The following PPP1R12A variants were observed in gnomAD, a reference collection of about 807,000 sequenced individuals.
The protein encoded by PPP1R12A is protein phosphatase 1 regulatory subunit 12A.
Under a neutral mutation model 139.6 loss-of-function variants are expected in PPP1R12A, and 19 were observed. The observed-to-expected ratio is 0.14, with a 90% confidence interval of 0.09 to 0.20. The LOEUF (loss-of-function observed/expected upper bound fraction) is 0.20, where lower values mean the gene tolerates loss of function less well. Among genes scored for constraint, PPP1R12A ranks in the 10% least tolerant of loss-of-function variants. The pLI, the probability that PPP1R12A is intolerant of heterozygous loss-of-function variation, is 1.00. For synonymous variants in PPP1R12A, 427 were observed against 420.6 expected (o/e 1.02, Z -0.19); for missense variants, 925 against 1,211.5 (o/e 0.76, Z 3.51).
At chr12:79,862,218 A>ATC (rs1881419446) in intron 2 of PPP1R12A, among the ~76,000 whole-genome samples, 1 of 152,190 alleles carries the variant, frequency 6.6e-6, no homozygotes, top group Non-Finnish European at 1.5e-5. Flanking sequence ...ACAGACCTGC[A>ATC]TCTGAGGGGC....
At chr12:79,847,394 A>C (rs950744828) in intron 2 of PPP1R12A, among the ~76,000 whole-genome samples, 1 of 152,228 alleles carries the variant, frequency 6.6e-6, no homozygotes, top group Non-Finnish European at 1.5e-5. Flanking sequence ...TCCCAACATC[A>C]TGAAGATAAA....
chr12:79,814,327 A>C (rs2137086427), intron 9 of PPP1R12A, among the ~76,000 whole-genome samples: 1 of 151,024 alleles, frequency 6.6e-6, no homozygotes, highest in East Asian at 2.0e-4. Context: ...AATACAAAAA[A>C]TTAGCCAGGT....
intron 9 of PPP1R12A, 67 bp from the exon 10 acceptor site, chr12:79,810,077 A>G (rs1039440084): frequency 8.2e-7 from 1 of 1,218,518 alleles, no homozygotes; most frequent in Non-Finnish European, 1.1e-6. Flanking sequence ...CTTAAATTGG[A>G]AACAATAAGT....
chr12:79,810,015 GTTTAT>G lies in PPP1R12A; in HGVS notation c.1240-10_1240-6del. The G allele has an allele frequency of 6.3e-7, 1 of 1,594,574 alleles. No individual in the cohort carries two copies. The highest frequency in any genetic ancestry group is 1.7e-4 in the Middle Eastern group (1 of 5,968). ...TTTTGTAGCTGTGGTTGGAAACTGT[GTTTAT>G]TTTATTTTTTAGGAAAAGAAAAAAG... On this transcript the variant is annotated splice_region_variant and splice_polypyrimidine_tract_variant and intron_variant, in intron 9 of 24. Coordinates refer to ENST00000450142, the MANE Select transcript of PPP1R12A (RefSeq NM_002480.3).
At chr12:79,863,644 CAAAAAAAAAAAAAAAAAAA>C in intron 2 of PPP1R12A, among the ~76,000 whole-genome samples, 1 of 55,334 alleles carries the variant, frequency 1.8e-5, no homozygotes, top group African/African-American at 6.7e-5. Context: ...AAATTGAAAG[CAAAAAAAAAAAAAAAAAAA>C]AAAAAAAAGA....
At chr12:79,789,021 C>T (rs1376127354) in intron 20 of PPP1R12A, among the ~76,000 whole-genome samples, 1 of 152,080 alleles carries the variant, frequency 6.6e-6, no homozygotes. Flanking sequence ...ACTGCAGACT[C>T]GACTTCTCGG....
chr12:79,853,201 A>G (rs1298820660), intron 2 of PPP1R12A, among the ~76,000 whole-genome samples: 1 of 152,182 alleles, frequency 6.6e-6, no homozygotes, highest in Admixed American at 6.5e-5. Flanking sequence ...TTATTCTCAA[A>G]AAGTTTTCTG....
chr12:79,908,386 G>C (rs1370752821), intron 1 of PPP1R12A, among the ~76,000 whole-genome samples: 1 of 152,146 alleles, frequency 6.6e-6, no homozygotes, highest in Non-Finnish European at 1.5e-5. Context: ...GTTAATAATA[G>C]AAGACCCAAA....
chr12:79,908,147 T>C (rs1387734746), intron 1 of PPP1R12A, among the ~76,000 whole-genome samples: 6 of 152,218 alleles, frequency 3.9e-5, no homozygotes, highest in African/African-American at 1.4e-4. Flanking sequence ...CATATAAGGC[T>C]TTCTTTAAAC....
At chr12:79,930,753 CAA>C (rs1888193294) in intron 1 of PPP1R12A, among the ~76,000 whole-genome samples, 1 of 151,820 alleles carries the variant, frequency 6.6e-6, no homozygotes, top group African/African-American at 2.4e-5. Context: ...GCCTGGGCAA[CAA>C]GAGCAAAACT....
intron 1 of PPP1R12A, among the ~76,000 whole-genome samples, chr12:79,907,881 A>AAGCAAGAC (rs1337182894): frequency 6.6e-6 from 1 of 152,206 alleles, no homozygotes; most frequent in Non-Finnish European, 1.5e-5. Flanking sequence ...TTGGGAGACA[A>AAGCAAGAC]AGCAAGACCT....
chr12:79,790,422 TA>T, intron 20 of PPP1R12A, 44 bp downstream of exon 20: 1 of 1,211,986 alleles, frequency 8.3e-7, no homozygotes, highest in South Asian at 1.7e-5. Flanking sequence ...TTAACAAAGA[TA>T]AAAATAAGAA....
At chr12:79,780,996 A>G in intron 23 of PPP1R12A, among the ~76,000 whole-genome samples, 1 of 152,152 alleles carries the variant, frequency 6.6e-6, no homozygotes, top group East Asian at 1.9e-4. Flanking sequence ...TTTTATATCA[A>G]TAGCTCCTAA....
At chr12:79,873,801 A>G (rs1164256178) in intron 1 of PPP1R12A, among the ~76,000 whole-genome samples, 1 of 152,154 alleles carries the variant, frequency 6.6e-6, no homozygotes, top group Non-Finnish European at 1.5e-5. Flanking sequence ...ATGTTAAAGC[A>G]CCTCTTCCAA....
chr12:79,817,736 C>T (rs1309617714), intron 8 of PPP1R12A, among the ~76,000 whole-genome samples: 2 of 152,066 alleles, frequency 1.3e-5, no homozygotes, highest in Non-Finnish European at 2.9e-5. Flanking sequence ...AGATACACAA[C>T]AAAGCTTCTG....
intron 3 of PPP1R12A, among the ~76,000 whole-genome samples, chr12:79,843,516 T>G (rs1215884673): frequency 6.6e-6 from 1 of 151,040 alleles, no homozygotes; most frequent in African/African-American, 2.4e-5. Context: ...GAGGCAGAGG[T>G]TGCAGTGAAC....
Position 79,781,799 on chromosome 12 carries a change from T to C in PPP1R12A, c.2955+16A>G, listed in dbSNP as rs756367069. The C allele has an allele frequency of 7.0e-7, 1 of 1,437,516 alleles. No homozygotes were observed. Among genetic ancestry groups the C allele is most frequent in the Non-Finnish European group, 9.3e-7 (1 of 1,071,732 alleles). The allele number at this position is 1,437,516 out of a possible 1,614,324, so 89.0% of individuals were successfully genotyped here. On this transcript the variant is annotated intron_variant, in intron 23 of 24. Transcript: ENST00000450142. ...AAGAAAGAAAAAAATAATTATTTAA[T>C]AAGTGGGACACTTACCCTTTTTTCC...
At chr12:79,799,699 G>A (rs1872874235) in intron 14 of PPP1R12A, among the ~76,000 whole-genome samples, 1 of 152,092 alleles carries the variant, frequency 6.6e-6, no homozygotes, top group Non-Finnish European at 1.5e-5. Context: ...CTTTTCAATA[G>A]CAAGTAATCT....
chr12:79,862,962 A>G (rs1354745034), intron 2 of PPP1R12A, among the ~76,000 whole-genome samples: 1 of 152,176 alleles, frequency 6.6e-6, no homozygotes, highest in East Asian at 1.9e-4. Flanking sequence ...CAGGAAATAC[A>G]GAGAACACCA....
Sources: allele counts gnomAD v4.1 joint callset (sites outside exome capture counted in the v4.1 genomes callset), GRCh38; gene constraint gnomAD v4.1.1; transcripts MANE v1.5; gene names NCBI Gene and HGNC (gene_info 2026-07-23, HGNC 2026-07-21).